The following CPLANE1 variants were observed in gnomAD, a reference collection of about 807,000 sequenced individuals.
CPLANE1 encodes the protein ciliogenesis and planar polarity effector 1.
Under a neutral mutation model 362.5 loss-of-function variants are expected in CPLANE1, and 263 were observed. The observed-to-expected ratio is 0.73, with a 90% CI of 0.66 to 0.80. The LOEUF (loss-of-function observed/expected upper bound fraction) is 0.80. Ranked by LOEUF, CPLANE1 falls within the 30% of genes least tolerant of loss-of-function variation. The pLI is 0.00. For missense variants in CPLANE1, 3,461 were observed against 3,793.4 expected, an observed-to-expected ratio of 0.91 and a Z score of 2.30; for synonymous variants, 1,212 against 1,302.6, an observed-to-expected ratio of 0.93 and a Z score of 1.50.
At chr5:37,195,804 A>G (rs1168397492) in intron 21 of CPLANE1, 54 bp downstream of exon 21, 7 of 1,552,674 alleles carry the variant, frequency 4.5e-6, no homozygotes, top group Non-Finnish European at 4.3e-6. Context: ...CCCAAATCAA[A>G]TGAAAAATAT....
rs183021118 is a variant in CPLANE1, at chr5:37,184,963, G to A, written c.4306C>T (p.Pro1436Ser). Reference protein sequence around the residue: ...IGSFEVNIWEPIEEEKPDEAP... With the variant: ...IGSFEVNIWESIEEEKPDEAP... Reference sequence around the variant, plus strand: ...TCATCTGGTTTCTCTTCTTCAATTGGTTCCCATATATTCACTTCAAAAGAG... The same window carrying A: ...TCATCTGGTTTCTCTTCTTCAATTGATTCCCATATATTCACTTCAAAAGAG... The change falls in exon 25 of 53, where the codon CCA becomes TCA. Residue 1436 changes from proline (P) to serine (S), a missense_variant. Around this residue, in one of 2 missense-constraint regions of CPLANE1, gnomAD observed 3,380 missense variants for 3,666.1 expected, o/e 0.92. Coordinates refer to ENST00000651892, the MANE Select transcript of CPLANE1 (RefSeq NM_001384732.1). 1.2e-4 allele frequency: 192 copies of A among 1,613,930 alleles called. No homozygotes were observed. The highest frequency in any genetic ancestry group is 8.0e-4 in the Admixed American group (48 of 59,978).
chr5:37,108,176 T>G, intron 52 of CPLANE1, 117 bp downstream of exon 52: 2 of 982,380 alleles, frequency 2.0e-6, no homozygotes, highest in East Asian at 5.0e-5. Context: ...ACCTAACAAC[T>G]TTTCAGTATT....
chr5:37,121,834 T>C, intron 48 of CPLANE1, 50 bp from the exon 49 acceptor site: 1 of 1,492,776 alleles, frequency 6.7e-7, no homozygotes, highest in Non-Finnish European at 9.3e-7. Flanking sequence ...TTTCAGTTCA[T>C]CTATCCAGAG....
In CPLANE1 at chr5:37,157,330, T is replaced by C. The variant is rs1327024575; in HGVS notation, c.8102A>G (p.Asp2701Gly). Residue 2701 changes from aspartate (D) to glycine (G), a missense_variant, in exon 41 of 53, where the codon GAC becomes GGC. Coordinates refer to ENST00000651892, the MANE Select transcript of CPLANE1 (RefSeq NM_001384732.1). ...CTGTTTACCTTTGTTCTGCTGTATG[T>C]CTGATGGTGTAGGTGAGGTGACACT... ...EPSVTSPTPS[D>G]IQQNKGLPKP... 7.3e-7 allele frequency: 1 copy of C among 1,372,802 alleles called. No homozygotes were observed. The highest frequency in any genetic ancestry group is 4.2e-5 in the East Asian group (1 of 23,584). The allele number at this position is 1,372,802 out of a possible 1,614,324, so 85.0% of individuals were successfully genotyped here.
the CPLANE1 span, among the ~76,000 whole-genome samples, chr5:37,088,318 T>C: frequency 6.6e-6 from 1 of 152,152 alleles, no homozygotes; most frequent in East Asian, 1.9e-4. Context: ...GCAGCCACAG[T>C]TGGGGAGCTT....
At chr5:37,215,494 T>C (rs1793786210) in intron 15 of CPLANE1, among the ~76,000 whole-genome samples, 1 of 152,154 alleles carries the variant, frequency 6.6e-6, no homozygotes, top group Non-Finnish European at 1.5e-5. Flanking sequence ...AGGCTATTAA[T>C]GGTTAAGTTT....
intron 8 of CPLANE1, among the ~76,000 whole-genome samples, chr5:37,234,420 T>C (rs1798461405): frequency 1.4e-5 from 2 of 141,988 alleles, no homozygotes; most frequent in South Asian, 4.4e-4. Context: ...AAAAAATGAA[T>C]TGAAGGAAAT....
Position 37,198,688 on chromosome 5 carries a change from A to C in CPLANE1, c.3672+14T>G. 6.2e-7 allele frequency: 1 copy of C among 1,607,512 alleles called. No individual in the cohort carries two copies. The highest frequency in any genetic ancestry group is 1.1e-5 in the South Asian group (1 of 90,196). ...AGTTAACACAGCATGTAAATGACTA[A>C]GATATTTCCATACCTTCTGCATGAC... is the stretch of plus-strand genomic sequence containing the variant. On this transcript the variant is annotated intron_variant, in intron 20 of 52. Coordinates refer to ENST00000651892, the MANE Select transcript of CPLANE1 (RefSeq NM_001384732.1).
chr5:37,201,704 G>A lies in CPLANE1; in HGVS notation c.3394C>T (p.Leu1132Phe), dbSNP rs1039665987. The A allele has an allele frequency of 3.1e-6, 5 of 1,614,096 alleles. No homozygotes were observed. Among genetic ancestry groups the A allele is most frequent in the African/African-American group, 1.3e-5 (1 of 75,058 alleles). Residue 1132 changes from leucine (L) to phenylalanine (F), a missense_variant, in exon 19 of 53, where the codon CTT becomes TTT. Transcript: ENST00000651892. ...DADILSETFQ[L>F]LIDSAKDFSK... is the part of the protein sequence containing the mutation. ...AAGTCCTTGGCAGAGTCTATCAGAA[G>A]TTGAAATGTCTCCGAAAGAATATCT... is the stretch of plus-strand genomic sequence containing the variant.
chr5:37,225,539 T>A (rs985369201), intron 12 of CPLANE1, among the ~76,000 whole-genome samples: 1 of 152,052 alleles, frequency 6.6e-6, no homozygotes, highest in African/African-American at 2.4e-5. Flanking sequence ...CCTAATTTTT[T>A]AAAGAGGTCA....
intron 9 of CPLANE1, among the ~76,000 whole-genome samples, chr5:37,230,006 G>T (rs559310519): frequency 2.3e-3 from 351 of 151,828 alleles, no homozygotes; most frequent in African/African-American, 8.2e-3. Flanking sequence ...GTGAAACCCC[G>T]TCTCTACTAA....
At chr5:37,221,907 T>C (rs961165950) in intron 14 of CPLANE1, among the ~76,000 whole-genome samples, 4 of 152,188 alleles carry the variant, frequency 2.6e-5, no homozygotes, top group Admixed American at 2.0e-4. Context: ...TCTTATCATC[T>C]TAACATTAAG....
intron 46 of CPLANE1, among the ~76,000 whole-genome samples, chr5:37,130,853 C>A (rs1343493710): frequency 6.6e-6 from 1 of 152,190 alleles, no homozygotes; most frequent in Non-Finnish European, 1.5e-5. Flanking sequence ...ATAAACAGAT[C>A]TTTCCTCCTA....
chr5:37,094,650 T>C, the CPLANE1 span, among the ~76,000 whole-genome samples: 1 of 151,926 alleles, frequency 6.6e-6, no homozygotes. Flanking sequence ...AAAAACCTGG[T>C]TCATTGAAAA....
intron 46 of CPLANE1, among the ~76,000 whole-genome samples, chr5:37,128,013 C>T (rs1262816182): frequency 1.3e-5 from 2 of 152,126 alleles, no homozygotes; most frequent in East Asian, 3.9e-4. Context: ...GCACCCCAGC[C>T]TGGGTGACAG....
At chr5:37,100,616 T>A in the CPLANE1 span, among the ~76,000 whole-genome samples, 1 of 152,248 alleles carries the variant, frequency 6.6e-6, no homozygotes, top group African/African-American at 2.4e-5. Context: ...TTGTTCCATA[T>A]GAATTTTAAA....
intron 34 of CPLANE1, among the ~76,000 whole-genome samples, chr5:37,167,735 G>A (rs1285606658): frequency 2.0e-5 from 3 of 152,138 alleles, no homozygotes; most frequent in East Asian, 1.9e-4. Context: ...CTGAGATGGC[G>A]CCATTACACT....
intron 8 of CPLANE1, 52 bp downstream of exon 8, chr5:37,238,805 C>T: frequency 9.0e-6 from 9 of 995,174 alleles, no homozygotes; most frequent in African/African-American, 1.7e-5. Context: ...GACAGAGACC[C>T]ATCTCTTTTA....
At chr5:37,242,699 T>C (rs1378743198) in intron 6 of CPLANE1, among the ~76,000 whole-genome samples, 1 of 152,184 alleles carries the variant, frequency 6.6e-6, no homozygotes, top group East Asian at 1.9e-4. Context: ...ATTACATGTA[T>C]ATGGATCAAA....
Sources: allele counts gnomAD v4.1 joint callset (sites outside exome capture counted in the v4.1 genomes callset), GRCh38; gene constraint gnomAD v4.1.1; regional missense constraint gnomAD v4.1.1; transcripts MANE v1.5; gene names NCBI Gene and HGNC (gene_info 2026-07-23, HGNC 2026-07-21).